ANKRD12: variants seen among roughly 807,000 people sequenced by gnomAD.
ANKRD12 encodes the protein ankyrin repeat domain 12, also known as ankyrin repeat domain-containing protein 12.
Under a neutral mutation model 183.4 loss-of-function variants are expected in ANKRD12, and 85 were observed. That is an observed-to-expected ratio of 0.46 (90% confidence interval 0.39 to 0.56). The LOEUF (loss-of-function observed/expected upper bound fraction) is 0.56. ANKRD12 is among the 20% of genes least tolerant of loss of function. The pLI is 0.00. For missense variants in ANKRD12, 2,405 were observed against 2,357.1 expected, an observed-to-expected ratio of 1.02 and a Z score of -0.42; for synonymous variants, 914 against 800.2, an observed-to-expected ratio of 1.14 and a Z score of -2.40.
In ANKRD12 at chr18:9,255,659, G is replaced by T. The variant is rs748465052; in HGVS notation, c.2392G>T (p.Gly798Trp). 1.4e-5 allele frequency: 22 copies of T among 1,586,236 alleles called. No homozygotes were observed. The highest frequency in any genetic ancestry group is 4.1e-5 in the African/African-American group (3 of 72,834). ...TATGAGTGCCATTGAGGAATCTATA[G>T]GGCTTCATTTAGTGGAAAAGGAAAT... The part of the protein sequence containing the change: ...LGMSAIEESI[G>W]LHLVEKEIDI... The change falls in exon 9 of 13, where the codon GGG (glycine) becomes TGG (tryptophan). Residue 798 changes from glycine to tryptophan, a missense_variant. By Grantham distance (184) the Gly-to-Trp change is radical. This residue lies in a region of ANKRD12 where 1,983 missense variants were observed against 1,725.9 expected (regional missense o/e 1.15). Transcript: ENST00000262126.
At chr18:9,242,046 T>TAC (rs2037693757) in intron 8 of ANKRD12, among the ~76,000 whole-genome samples, 2 of 152,218 alleles carry the variant, frequency 1.3e-5, no homozygotes, top group African/African-American at 4.8e-5. Context: ...TATGTATATA[T>TAC]ATACACACAC....
chr18:9,158,297 A>C (rs1184889721), intron 1 of ANKRD12, among the ~76,000 whole-genome samples: 27 of 152,176 alleles, frequency 1.8e-4, no homozygotes, highest in Admixed American at 1.8e-3. Flanking sequence ...TAAAGTTCAT[A>C]CTTTATTCAG....
chr18:9,146,613 T>C (rs1410897115), intron 1 of ANKRD12, among the ~76,000 whole-genome samples: 2 of 152,248 alleles, frequency 1.3e-5, no homozygotes, highest in Non-Finnish European at 2.9e-5. Context: ...TCACATTACT[T>C]TCTTTCAGCT....
chr18:9,256,223 ATAG>A lies in ANKRD12; in HGVS notation c.2960_2962del (p.Val987del), dbSNP rs2038613972. 1 of 1,592,204 alleles carries A rather than the reference ATAG, an allele frequency of 6.3e-7. No homozygotes were observed. The highest frequency in any genetic ancestry group is 8.5e-7 in the Non-Finnish European group (1 of 1,173,312). On this transcript the variant is annotated inframe_deletion, in exon 9 of 13. Transcript: ENST00000262126. ...CATACAGGAAGAAAAAAAATCAAGT[ATAG>A]TAGACGGTAATAAAGCACAACATGA...
intron 8 of ANKRD12, among the ~76,000 whole-genome samples, chr18:9,244,139 A>G (rs574428578): frequency 3.3e-5 from 5 of 152,242 alleles, no homozygotes; most frequent in African/African-American, 4.8e-5. Context: ...CGTCTCAAAA[A>G]AATGAATGAA....
At chr18:9,226,018 A>AT (rs2036686272) in intron 8 of ANKRD12, among the ~76,000 whole-genome samples, 1 of 152,092 alleles carries the variant, frequency 6.6e-6, no homozygotes, top group Non-Finnish European at 1.5e-5. Flanking sequence ...TAGAGTTTAA[A>AT]TTTTTTTGCA....
intron 1 of ANKRD12, among the ~76,000 whole-genome samples, chr18:9,181,947 A>G (rs1006952280): frequency 1.3e-5 from 2 of 152,182 alleles, no homozygotes; most frequent in Non-Finnish European, 2.9e-5. Context: ...AGGGATTTTA[A>G]ATGGGAAGGA....
Position 9,258,013 on chromosome 18 carries a change from A to T in ANKRD12, c.4746A>T (p.Leu1582Phe). The T allele has an allele frequency of 1.2e-6, 2 of 1,613,784 alleles. No homozygotes were observed. The highest frequency in any genetic ancestry group is 2.7e-5 in the African/African-American group (2 of 75,036). The change falls in exon 9 of 13, where the codon TTA (leucine) becomes TTT (phenylalanine). Residue 1582 changes from leucine (L) to phenylalanine (F), a missense_variant. By Grantham distance (22) the Leu-to-Phe change is conservative. Transcript: ENST00000262126. Reference sequence around the variant, plus strand: ...CAAACTTTGAGAAAGCTTATACTTTACCTGTGTTACCATCAGAAAAGGACT... The same window carrying T: ...CAAACTTTGAGAAAGCTTATACTTTTCCTGTGTTACCATCAGAAAAGGACT... ...ASPNFEKAYT[L>F]PVLPSEKDFN...
At chr18:9,233,792 C>G (rs1251404608) in intron 8 of ANKRD12, among the ~76,000 whole-genome samples, 1 of 152,148 alleles carries the variant, frequency 6.6e-6, no homozygotes, top group Non-Finnish European at 1.5e-5. Context: ...CAGTCTTTGG[C>G]CCCAGTGGTG....
chr18:9,213,480 A>G (rs1395120313), intron 6 of ANKRD12, among the ~76,000 whole-genome samples: 1 of 151,958 alleles, frequency 6.6e-6, no homozygotes, highest in Non-Finnish European at 1.5e-5. Flanking sequence ...AAAACTAGCA[A>G]CAATCTGTAT....
At chr18:9,182,580 G>A in intron 2 of ANKRD12, 61 bp downstream of exon 2, 4 of 1,115,188 alleles carry the variant, frequency 3.6e-6, no homozygotes, top group Middle Eastern at 2.9e-4. Flanking sequence ...TCCCAATTAA[G>A]TATTTTTAGT....
intron 8 of ANKRD12, among the ~76,000 whole-genome samples, chr18:9,253,187 A>G (rs543457667): frequency 6.6e-6 from 1 of 152,318 alleles, no homozygotes; most frequent in African/African-American, 2.4e-5. Flanking sequence ...TCAAGCATTT[A>G]TCATTTATTT....
chr18:9,138,153 G>T (rs533107214), intron 1 of ANKRD12, among the ~76,000 whole-genome samples: 120 of 152,336 alleles, frequency 7.9e-4, no homozygotes, highest in Non-Finnish European at 1.5e-3. Flanking sequence ...TTTTAGAATG[G>T]TTTATGTAAA....
intron 1 of ANKRD12, among the ~76,000 whole-genome samples, chr18:9,144,806 GAT>G (rs938335992): frequency 4.6e-5 from 7 of 151,804 alleles, no homozygotes; most frequent in African/African-American, 1.7e-4. Context: ...TAAAAGAAAA[GAT>G]AAAATGATAA....
intron 1 of ANKRD12, among the ~76,000 whole-genome samples, chr18:9,157,585 G>GTGTGTGTGTGTGTGTA (rs1472659778): frequency 7.6e-5 from 7 of 92,678 alleles, no homozygotes; most frequent in African/African-American, 3.2e-4. Flanking sequence ...GTGTGTGTGT[G>GTGTGTGTGTGTGTGTA]TATATATATA....
chr18:9,264,408 G>T (rs571376301), intron 10 of ANKRD12, among the ~76,000 whole-genome samples: 101 of 152,210 alleles, frequency 6.6e-4, no homozygotes, highest in African/African-American at 2.3e-3. Context: ...CTTTGGGGAG[G>T]GTTGAGGACC....
intron 3 of ANKRD12, among the ~76,000 whole-genome samples, chr18:9,200,830 G>A (rs915914500): frequency 6.6e-6 from 1 of 152,174 alleles, no homozygotes; most frequent in African/African-American, 2.4e-5. Context: ...CCAGGTATAG[G>A]CAGTACAGGG....
At chr18:9,231,544 C>T (rs951706005) in intron 8 of ANKRD12, among the ~76,000 whole-genome samples, 1 of 151,140 alleles carries the variant, frequency 6.6e-6, no homozygotes, top group African/African-American at 2.4e-5. Flanking sequence ...ATATTTTATC[C>T]GTGCCGGGCG....
intron 9 of ANKRD12, chr18:9,260,399 G>A (rs552605632): frequency 6.6e-6 from 1 of 152,270 alleles, no homozygotes; most frequent in African/African-American, 2.4e-5. Flanking sequence ...CATACCCAGA[G>A]TCAGTTTGTT....
Sources: gnomAD v4.1 joint callset for allele counts (sites outside exome capture counted in the v4.1 genomes callset) on GRCh38, gnomAD v4.1.1 for gene constraint, gnomAD v4.1.1 regional missense constraint, MANE v1.5 for transcripts, NCBI Gene and HGNC (gene_info 2026-07-23, HGNC 2026-07-21) for gene names.